The following ORC5 variants were observed in gnomAD, a reference collection of about 807,000 sequenced individuals.
The protein encoded by ORC5 is origin recognition complex subunit 5, also known as protein phosphatase 1, regulatory subunit 117.
ORC5 carries 39 observed loss-of-function variants against 58.8 expected under a neutral mutation model. The ratio of observed to expected loss-of-function variants is 0.66; its 90% CI spans 0.51 to 0.87. ORC5 has a LOEUF of 0.87. Ranked by LOEUF, ORC5 falls within the 40% of genes least tolerant of loss-of-function variation. The probability of loss-of-function intolerance (pLI) is 0.00; values close to 1 mark genes in which losing one functional copy is unlikely to be tolerated. For synonymous variants in ORC5, 218 were observed against 177.6 expected, an observed-to-expected ratio of 1.23 and a Z score of -1.81; for missense variants, 493 against 506.3, an observed-to-expected ratio of 0.97 and a Z score of 0.25.
chr7:104,177,659 G>A (rs1001684611), intron 8 of ORC5, among the ~76,000 whole-genome samples: 7 of 151,814 alleles, frequency 4.6e-5, no homozygotes, highest in Admixed American at 1.3e-4. Flanking sequence ...TGTACCTTTC[G>A]TCCCATCATC....
Position 104,168,529 on chromosome 7 carries a change from A to C in ORC5, c.825-4T>G. 2.0e-6 allele frequency: 3 copies of C among 1,488,788 alleles called. No homozygotes were observed. The highest frequency in any genetic ancestry group is 2.7e-6 in the Non-Finnish European group (3 of 1,098,082). The allele number at this position is 1,488,788 out of a possible 1,614,324, so 92.2% of individuals were successfully genotyped here. A position where few individuals can be genotyped will look rare whatever the true frequency, so the allele number is the denominator to read the frequency against. ...CTGTAGCTTTTCCCACTGGGAACTG[A>C]AAAAAAATAGAAGAGCAAAAATGAA... On this transcript the variant is annotated splice_region_variant and splice_polypyrimidine_tract_variant and intron_variant, in intron 8 of 13. Coordinates refer to ENST00000297431, the MANE Select transcript of ORC5 (RefSeq NM_002553.4).
chr7:104,174,745 G>C (rs536848290), intron 8 of ORC5, among the ~76,000 whole-genome samples: 8 of 152,302 alleles, frequency 5.3e-5, no homozygotes, highest in Admixed American at 5.2e-4. Context: ...GGTAAGCTCA[G>C]GCATGTGCAG....
At chr7:104,144,578 A>G (rs1798724992) in intron 12 of ORC5, among the ~76,000 whole-genome samples, 1 of 152,178 alleles carries the variant, frequency 6.6e-6, no homozygotes, top group Admixed American at 6.5e-5. Flanking sequence ...CAACAGGGCA[A>G]AAACCCGTCT....
chr7:104,135,872 T>G (rs1798579732), intron 13 of ORC5, among the ~76,000 whole-genome samples: 1 of 152,170 alleles, frequency 6.6e-6, no homozygotes, highest in African/African-American at 2.4e-5. Flanking sequence ...TGAAAAAGAT[T>G]AGGAACACAC....
At chr7:104,174,394 A>T (rs1008675011) in intron 8 of ORC5, among the ~76,000 whole-genome samples, 9 of 152,202 alleles carry the variant, frequency 5.9e-5, no homozygotes, top group African/African-American at 2.2e-4. Flanking sequence ...TGAGTGATTA[A>T]TAAGAAACAA....
Position 104,136,889 on chromosome 7 carries a change from G to A in ORC5, c.1154C>T (p.Thr385Ile). 1 of 1,608,176 alleles carries A rather than the reference G, an allele frequency of 6.2e-7. No homozygotes were observed. Among genetic ancestry groups the A allele is most frequent in the Non-Finnish European group, 8.5e-7 (1 of 1,174,738 alleles). Residue 385 changes from threonine to isoleucine, a missense_variant, in exon 13 of 14, where the codon ACC (threonine) becomes ATC (isoleucine). Physicochemically the swap from Thr to Ile is moderately conservative, Grantham distance 89. Around this residue, in one of 3 missense-constraint regions of ORC5, gnomAD observed 77 missense variants for 86.1 expected, o/e 0.89. Transcript: ENST00000297431. This position sits in a 1 kb window ranked among gnomAD's most constrained non-coding sequence, Gnocchi z 4.2. ...TAACAGCTGAAGGGTCACTAGAGAG[G>A]TAATCTAAAAGAGAACATTTTTATA... The part of the protein sequence containing the change: ...APTANIFSQI[T>I]SLVTLQLLTL...
intron 3 of ORC5, among the ~76,000 whole-genome samples, 163 bp from the exon 4 acceptor site, chr7:104,197,962 G>A (rs979384536): frequency 6.6e-6 from 1 of 152,162 alleles, no homozygotes; most frequent in African/African-American, 2.4e-5. Context: ...AGTCATAAGG[G>A]CTCTGTCCTC....
rs1419949050 is a variant in ORC5, at chr7:104,129,492, T to A, written c.1263-2599A>T. ...CTCTACCATTCCTCCACCCCCAATA[T>A]AAATAGGTAACTTGCCAATTGATCT... On this transcript the variant is annotated intron_variant, in intron 13 of 13. Transcript: ENST00000297431. The surrounding 1 kb of genome is among the most constrained non-coding windows in gnomAD (Gnocchi z 4.9). Among the ~76,000 whole-genome samples, 1 of 152,156 alleles carries A rather than the reference T, an allele frequency of 6.6e-6. No homozygotes were observed. Among genetic ancestry groups the A allele is most frequent in the Non-Finnish European group, 1.5e-5 (1 of 68,018 alleles).
At chr7:104,135,516 T>C (rs542960548) in intron 13 of ORC5, among the ~76,000 whole-genome samples, 1 of 152,278 alleles carries the variant, frequency 6.6e-6, no homozygotes, top group East Asian at 1.9e-4. Flanking sequence ...TCATCTTGAA[T>C]TTCTGGCCTC....
At chr7:104,147,838 G>C (rs527659639) in intron 12 of ORC5, among the ~76,000 whole-genome samples, 19 of 152,260 alleles carry the variant, frequency 1.2e-4, no homozygotes, top group African/African-American at 4.3e-4. Flanking sequence ...TTAGAAAATG[G>C]TTTGCCAAGA....
intron 6 of ORC5, among the ~76,000 whole-genome samples, chr7:104,184,901 A>C (rs1012078434): frequency 2.0e-5 from 3 of 152,184 alleles, no homozygotes; most frequent in African/African-American, 7.2e-5. Flanking sequence ...ATGAGGTTTC[A>C]TTTGCACAAG....
intron 12 of ORC5, among the ~76,000 whole-genome samples, chr7:104,155,071 T>C (rs532219305): frequency 2.6e-5 from 4 of 151,950 alleles, no homozygotes; most frequent in South Asian, 2.1e-4. Flanking sequence ...ACATATCTTA[T>C]AAAACAACAC....
In ORC5 at chr7:104,196,373, T is replaced by C. The variant is rs58621828; in HGVS notation, c.442-1119A>G. Among the ~76,000 whole-genome samples the C allele has an allele frequency of 2.6e-3, 395 of 152,118 alleles. 17 individuals carry two copies. The East Asian group carries it at 0.069, about 27-fold the overall frequency. On this transcript the variant is annotated intron_variant, in intron 4 of 13. Transcript: ENST00000297431. ...AAAAGGAAAGGAAATAGGAAATGAG[T>C]AGACATCTACTCAAAGAAGATAGAT...
intron 13 of ORC5, among the ~76,000 whole-genome samples, chr7:104,130,643 A>G (rs988484248): frequency 2.0e-5 from 3 of 152,150 alleles, no homozygotes; most frequent in Non-Finnish European, 4.4e-5. Flanking sequence ...ACTTCACTAT[A>G]TATTTCTCTT....
chr7:104,188,051 C>G (rs1209681818), intron 6 of ORC5, 200 bp downstream of exon 6: 1 of 1,038,440 alleles, frequency 9.6e-7, no homozygotes, highest in Non-Finnish European at 1.2e-6. Context: ...AAAGTTTGTA[C>G]TAACCCACAG....
chr7:104,207,494 C>T (rs896246732), intron 1 of ORC5, among the ~76,000 whole-genome samples: 1 of 152,198 alleles, frequency 6.6e-6, no homozygotes, highest in East Asian at 1.9e-4. Context: ...AAATAACACC[C>T]TGCAAACACA....
rs929257473 is a variant in ORC5, at chr7:104,136,115, G to A, written c.1262+666C>T. On this transcript the variant is annotated intron_variant, in intron 13 of 13. Coordinates refer to ENST00000297431, the MANE Select transcript of ORC5 (RefSeq NM_002553.4). This position sits in a 1 kb window ranked among gnomAD's most constrained non-coding sequence, Gnocchi z 4.2. ...CTTCCCCAGAACTTCTAACATTCTA[G>A]AATTACTCAGAATTAGCTTCATTCA... Among the ~76,000 whole-genome samples, 7 of 152,082 alleles carry A rather than the reference G, an allele frequency of 4.6e-5. No homozygotes were observed. Among genetic ancestry groups the A allele is most frequent in the African/African-American group, 1.4e-4 (6 of 41,402 alleles).
intron 12 of ORC5, among the ~76,000 whole-genome samples, chr7:104,148,172 C>A (rs1384983659): frequency 6.6e-6 from 1 of 152,170 alleles, no homozygotes; most frequent in Non-Finnish European, 1.5e-5. Flanking sequence ...ATAAATCTCT[C>A]TTTTCCAGAC....
At chr7:104,200,286 A>C (rs1480751585) in intron 3 of ORC5, among the ~76,000 whole-genome samples, 1 of 152,174 alleles carries the variant, frequency 6.6e-6, no homozygotes, top group African/African-American at 2.4e-5. Flanking sequence ...GACCTTCCAC[A>C]ATCTGCCCAA....
Sources: gnomAD v4.1 joint callset for allele counts (sites outside exome capture counted in the v4.1 genomes callset) on GRCh38, gnomAD v4.1.1 for gene constraint, gnomAD v4.1.1 regional missense constraint, Gnocchi (gnomAD v3.1) non-coding constraint, MANE v1.5 for transcripts, NCBI Gene and HGNC (gene_info 2026-07-23, HGNC 2026-07-21) for gene names.